VSIG2: variants seen among roughly 807,000 people sequenced by gnomAD.
VSIG2 encodes the protein V-set and immunoglobulin domain containing 2, also known as V-set and immunoglobulin domain-containing protein 2.
Under a neutral mutation model 29.4 loss-of-function variants are expected in VSIG2, and 30 were observed. The observed-to-expected ratio is 1.02, with a 90% CI of 0.76 to 1.38. The LOEUF (loss-of-function observed/expected upper bound fraction) is 1.38. Among genes scored for constraint, VSIG2 ranks in the 40% most tolerant of loss-of-function variants. The pLI, the probability that VSIG2 is intolerant of heterozygous loss-of-function variation, is 0.00. For missense variants in VSIG2, 421 were observed against 400.8 expected (o/e 1.05, Z -0.43); for synonymous variants, 178 against 174.2 (o/e 1.02, Z -0.17).
intron 6 of VSIG2, 173 bp downstream of exon 6, chr11:124,748,217 T>C: frequency 1.4e-6 from 1 of 736,380 alleles, no homozygotes; most frequent in Non-Finnish European, 2.2e-6. Context: ...ACCGCTTGCC[T>C]GTACCCTCAA....
chr11:124,751,368 C>A, intron 2 of VSIG2, 55 bp downstream of exon 2: 1 of 1,601,884 alleles, frequency 6.2e-7, no homozygotes, highest in South Asian at 1.1e-5. Context: ...TGCCCTCATC[C>A]TGGGCTCCTG....
chr11:124,748,122 A>G, intron 6 of VSIG2: 1 of 465,120 alleles, frequency 2.1e-6, no homozygotes, highest in Non-Finnish European at 3.8e-6. Flanking sequence ...ACAGAAAAGT[A>G]AACTTTATTA....
intron 3 of VSIG2, 93 bp from the exon 4 acceptor site, chr11:124,749,959 T>C (rs1591425460): frequency 7.4e-7 from 1 of 1,355,816 alleles, no homozygotes; most frequent in East Asian, 2.5e-5. Flanking sequence ...CATTCTCTAC[T>C]TCAATACCCC....
At chr11:124,747,868 C>A (rs898979619) in intron 6 of VSIG2, among the ~76,000 whole-genome samples, 5 of 152,284 alleles carry the variant, frequency 3.3e-5, no homozygotes, top group Admixed American at 3.3e-4. Context: ...GAATGTATAA[C>A]TAGTTCCCGG....
chr11:124,748,337 TAACTC>T, intron 6 of VSIG2, 48 bp downstream of exon 6: 2 of 1,541,682 alleles, frequency 1.3e-6, no homozygotes, highest in South Asian at 2.5e-5. Flanking sequence ...CACCCGCTTT[TAACTC>T]AAGCCCTTTC....
At position 124,750,654 on chromosome 11, in the gene VSIG2, G is replaced by T; in HGVS notation, c.427+60C>A. On this transcript the variant is annotated intron_variant, in intron 3 of 6. Coordinates refer to ENST00000326621, the MANE Select transcript of VSIG2 (RefSeq NM_014312.5). ...AGAAACCAGAGATTTAGCAAGACCA[G>T]TGCAAACGCCCCAAGTATGTGAAAG... 8.3e-6 allele frequency: 13 copies of T among 1,566,076 alleles called. No individual in the cohort carries two copies. In the South Asian group the frequency reaches 1.2e-4, roughly 14 times the overall value.
chr11:124,752,108 G>A lies in VSIG2; in HGVS notation c.30C>T (p.Cys10=), dbSNP rs1236262112. The change falls in exon 1 of 7, where the codon TGC becomes TGT. Residue 10 remains cysteine (C), a synonymous_variant. Coordinates refer to ENST00000326621, the MANE Select transcript of VSIG2 (RefSeq NM_014312.5). ...GGCACAGGAAGCCTAGCAGGGCCCCGCAGAGAAAGGGCCCCGGGAGCTCGG... is the reference window on the plus strand; with the variant it reads ...GGCACAGGAAGCCTAGCAGGGCCCCACAGAGAAAGGGCCCCGGGAGCTCGG... MAELPGPFL[C]GALLGFLCLS... is the part of the protein sequence containing the mutation. The A allele has an allele frequency of 6.2e-7, 1 of 1,606,000 alleles. No individual in the cohort carries two copies.
Position 124,752,237 on chromosome 11 carries a change from G to C in VSIG2, c.-100C>G. On this transcript the variant is annotated 5_prime_UTR_variant, in exon 1 of 7. Coordinates refer to ENST00000326621, the MANE Select transcript of VSIG2 (RefSeq NM_014312.5). ...GGAGCACCCAAGGGCAGCCGCCCGG[G>C]CTGGGCAGGAGCGAGACTGGTATCT... 1 of 1,285,516 alleles carries C rather than the reference G, an allele frequency of 7.8e-7. No homozygotes were observed. Among genetic ancestry groups the C allele is most frequent in the Non-Finnish European group, 1.0e-6 (1 of 957,884 alleles). 79.6% of individuals were successfully genotyped at this position (1,285,516 alleles called of 1,614,324 possible).
At chr11:124,750,319 C>T (rs1395209257) in intron 3 of VSIG2, among the ~76,000 whole-genome samples, 1 of 152,204 alleles carries the variant, frequency 6.6e-6, no homozygotes, top group East Asian at 1.9e-4. Context: ...GCTCTGAGCA[C>T]GAAGTTGGTG....
At chr11:124,751,380 C>G (rs1360620593) in intron 2 of VSIG2, 43 bp downstream of exon 2, 1 of 1,605,158 alleles carries the variant, frequency 6.2e-7, no homozygotes, top group South Asian at 1.1e-5. Context: ...GGGCTCCTGT[C>G]CCTCCAGGCC....
Position 124,749,779 on chromosome 11 carries a change from G to C in VSIG2, c.515C>G (p.Ala172Gly), listed in dbSNP as rs753298373. Residue 172 changes from alanine (A) to glycine (G), a missense_variant, in exon 4 of 7, where the codon GCT (alanine) becomes GGT (glycine). Transcript: ENST00000326621. ...CACCCAGTTGTACACTGGCTTAGGA[G>C]CCCCCTCGGAAGAGCTGCATCTCAG... ...TALRCSSSEG[A>G]PKPVYNWVRL... The C allele has an allele frequency of 6.9e-6, 11 of 1,605,484 alleles. No homozygotes were observed. The highest frequency in any genetic ancestry group is 9.4e-6 in the Non-Finnish European group (11 of 1,176,300).
In VSIG2 at chr11:124,750,850, G is replaced by T. The variant is rs761684793; in HGVS notation, c.291C>A (p.Asn97Lys). The T allele has an allele frequency of 1.2e-6, 2 of 1,614,118 alleles. No individual in the cohort carries two copies. Among genetic ancestry groups the T allele is most frequent in the East Asian group, 2.2e-5 (1 of 44,864 alleles). ...SKSKRVSLLQ[N>K]PPTVGVATLK... The stretch of plus-strand genomic sequence containing the variant: ...GTGTGGCCACCCCCACTGTGGGGGG[G>T]TTCTGAAGCAGGCTGACCCGCTTTG... The change falls in exon 3 of 7, where the codon AAC becomes AAA. Residue 97 changes from asparagine to lysine, a missense_variant. Physicochemically the swap from Asn to Lys is moderately conservative, Grantham distance 94 (BLOSUM62 0). Coordinates refer to ENST00000326621, the MANE Select transcript of VSIG2 (RefSeq NM_014312.5).
In VSIG2 at chr11:124,749,815, C is replaced by T; in HGVS notation, c.479G>A (p.Gly160Asp). 3 of 1,602,272 alleles carry T rather than the reference C, an allele frequency of 1.9e-6. No individual in the cohort carries two copies. Among genetic ancestry groups the T allele is most frequent in the Non-Finnish European group, 2.6e-6 (3 of 1,175,982 alleles). ...AGAGCTGCATCTCAGTGCAGTAGAG[C>T]CTCCCACAGAGGTTTGTCCACTCTG... ...CSQSGQTSVG[G>D]STALRCSSSE... Residue 160 changes from glycine (G) to aspartate (D), a missense_variant, in exon 4 of 7, where the codon GGC becomes GAC. Physicochemically the swap from Gly to Asp is moderately conservative, Grantham distance 94 (BLOSUM62 -1). Coordinates refer to ENST00000326621, the MANE Select transcript of VSIG2 (RefSeq NM_014312.5).
At chr11:124,750,502 G>A (rs1944072033) in intron 3 of VSIG2, among the ~76,000 whole-genome samples, 1 of 152,066 alleles carries the variant, frequency 6.6e-6, no homozygotes, top group African/African-American at 2.4e-5. Context: ...CTGTTATTAG[G>A]CTCTGATGGA....
In VSIG2 at chr11:124,751,458, C is replaced by G. The variant is rs745364164; in HGVS notation, c.184G>C (p.Val62Leu). 1.2e-6 allele frequency: 2 copies of G among 1,612,974 alleles called. No individual in the cohort carries two copies. The highest frequency in any genetic ancestry group is 1.1e-5 in the South Asian group (1 of 91,092). ...TCAGAGATGGGTTTCCCAGGCTGCA[C>G]AAAGCTCCACTCCAGGGCGAAGCTG... ...GDSFALEWSF[V>L]QPGKPISESH... Residue 62 changes from valine to leucine, a missense_variant, in exon 2 of 7, where the codon GTG becomes CTG. Val to Leu is a conservative substitution (Grantham distance 32). Transcript: ENST00000326621.
intron 6 of VSIG2, 23 bp from the exon 7 acceptor site, chr11:124,747,690 G>A: frequency 6.2e-7 from 1 of 1,609,642 alleles, no homozygotes; most frequent in Non-Finnish European, 8.5e-7. Flanking sequence ...GGCAAGTTCT[G>A]AGTGAACAGT....
intron 4 of VSIG2, among the ~76,000 whole-genome samples, chr11:124,749,268 G>T (rs768698029): frequency 3.3e-5 from 5 of 152,300 alleles, no homozygotes; most frequent in Non-Finnish European, 5.9e-5. Context: ...GCTGGAGAGA[G>T]AACTGGATCC....
intron 4 of VSIG2, 34 bp from the exon 5 acceptor site, chr11:124,748,797 T>C (rs755630965): frequency 6.2e-7 from 1 of 1,614,078 alleles, no homozygotes. Context: ...CCACGACTCA[T>C]TCAACTCAGT....
At chr11:124,747,978 G>A in intron 6 of VSIG2, 1 of 368,864 alleles carries the variant, frequency 2.7e-6, no homozygotes, top group Non-Finnish European at 4.9e-6. Context: ...GACAGAGGCA[G>A]TTTCCCCTCC....
Sources: gnomAD v4.1 joint callset for allele counts (sites outside exome capture counted in the v4.1 genomes callset) on GRCh38, gnomAD v4.1.1 for gene constraint, MANE v1.5 for transcripts, NCBI Gene and HGNC (gene_info 2026-07-23, HGNC 2026-07-21) for gene names.